The following SETD2 variants were observed in gnomAD, a reference collection of about 807,000 sequenced individuals.
The protein encoded by SETD2 is SET domain containing 2, histone lysine methyltransferase, also known as histone-lysine N-methyltransferase SETD2.
In SETD2, 31 loss-of-function variants were observed where a neutral mutation model predicts 242.1. The ratio of observed to expected loss-of-function variants is 0.13; its 90% CI spans 0.10 to 0.17. SETD2 has a LOEUF of 0.17. SETD2 is among the 10% of genes least tolerant of loss of function. The probability of loss-of-function intolerance (pLI) is 1.00; values close to 1 mark genes in which losing one functional copy is unlikely to be tolerated. For missense variants in SETD2, 2,481 were observed against 3,046.3 expected, an observed-to-expected ratio of 0.81 and a Z score of 4.37; for synonymous variants, 1,006 against 1,066.5, an observed-to-expected ratio of 0.94 and a Z score of 1.11.
intron 18 of SETD2, among the ~76,000 whole-genome samples, chr3:47,020,609 T>C (rs2038174916): frequency 6.6e-6 from 1 of 152,138 alleles, no homozygotes; most frequent in African/African-American, 2.4e-5. Flanking sequence ...ATGCAGGCCA[T>C]CTCCCCATAC....
At position 47,120,814 on chromosome 3, in the gene SETD2, A is replaced by G. The variant is rs757597436; in HGVS notation, c.3822T>C (p.Pro1274=). 6.2e-7 allele frequency: 1 copy of G among 1,614,212 alleles called. No homozygotes were observed. The highest frequency in any genetic ancestry group is 8.5e-7 in the Non-Finnish European group (1 of 1,180,038). ...QEKPSTTYQQ[P]DSSYGACGGH... ...CACCACAAGCTCCATAGCTACTGTCAGGTTGCTGATACGTGGTAGAAGGCT... is the reference window on the plus strand; with the variant it reads ...CACCACAAGCTCCATAGCTACTGTCGGGTTGCTGATACGTGGTAGAAGGCT... The change falls in exon 3 of 21, where the codon CCT becomes CCC. Residue 1274 remains proline (P), a synonymous_variant. Transcript: ENST00000409792.
At chr3:47,086,792 G>T (rs1362278639) in intron 10 of SETD2, among the ~76,000 whole-genome samples, 1 of 150,802 alleles carries the variant, frequency 6.6e-6, no homozygotes, top group African/African-American at 2.4e-5. Context: ...CAGCACTTTC[G>T]AAGGTGGAAG....
chr3:47,060,423 G>T (rs1224823240), intron 14 of SETD2, among the ~76,000 whole-genome samples: 3 of 152,118 alleles, frequency 2.0e-5, no homozygotes, highest in African/African-American at 7.2e-5. Flanking sequence ...AACCAAGAAG[G>T]CAGTAGTGAT....
At chr3:47,053,581 T>C (rs1036643236) in intron 15 of SETD2, among the ~76,000 whole-genome samples, 3 of 152,200 alleles carry the variant, frequency 2.0e-5, no homozygotes, top group African/African-American at 7.2e-5. Context: ...TGATAACACA[T>C]TTGCTCCAAA....
At chr3:47,164,117 T>G (rs1697598719), upstream of SETD2, 1 of 1,027,700 alleles carries the variant, frequency 9.7e-7, no homozygotes, top group South Asian at 4.8e-5. The surrounding 1 kb of genome is among the most constrained non-coding windows in gnomAD (Gnocchi z 5.4). Flanking sequence ...GCTCTCTCCC[T>G]CTCACCCTCA....
chr3:47,082,478 T>C (rs1478944881), intron 12 of SETD2, among the ~76,000 whole-genome samples: 1 of 152,202 alleles, frequency 6.6e-6, no homozygotes, highest in Non-Finnish European at 1.5e-5. Flanking sequence ...AGGCCTTAAA[T>C]AAAAATCCAT....
rs189526267 is a variant in SETD2 at position 47,128,242 on chromosome 3, C to T, written c.72-1579G>A. On this transcript the variant is annotated intron_variant, in intron 1 of 20. Transcript: ENST00000409792. ...ACTATTCCACATTACAGTGCATCTG[C>T]TCCATAACACAATGCGCAGCTCTCT... Among the ~76,000 whole-genome samples the T allele has an allele frequency of 1.7e-4, 26 of 152,278 alleles. No individual in the cohort carries two copies. The East Asian group carries it at 4.4e-3, about 26-fold the overall frequency.
intron 15 of SETD2, among the ~76,000 whole-genome samples, chr3:47,048,497 A>T (rs371812159): frequency 1.3e-5 from 2 of 152,292 alleles, no homozygotes; most frequent in South Asian, 2.1e-4. Context: ...GTGAATATGA[A>T]GGCCTAGGAC....
At chr3:47,138,754 C>T (rs773165457) in intron 1 of SETD2, among the ~76,000 whole-genome samples, 24 of 151,838 alleles carry the variant, frequency 1.6e-4, no homozygotes, top group Non-Finnish European at 2.9e-4. Context: ...TTAGTAGAGA[C>T]GGGGTTTCAC....
At chr3:47,095,957 T>C (rs531373887) in intron 9 of SETD2, among the ~76,000 whole-genome samples, 1 of 152,290 alleles carries the variant, frequency 6.6e-6, no homozygotes, top group South Asian at 2.1e-4. Context: ...GGTCTCACTA[T>C]ATTGCCTAGG....
chr3:47,050,723 C>CTCTTTT (rs1553682525), intron 15 of SETD2, among the ~76,000 whole-genome samples: 1 of 66,878 alleles, frequency 1.5e-5, no homozygotes, highest in African/African-American at 6.3e-5. Flanking sequence ...TTTCCTCTCT[C>CTCTTTT]TTTTTTTTTT....
Position 47,164,089 on chromosome 3 carries a change from C to G in SETD2, c.-165G>C. On this transcript the variant is annotated 5_prime_UTR_variant, in exon 1 of 21. Coordinates refer to ENST00000409792, the MANE Select transcript of SETD2 (RefSeq NM_014159.7). The surrounding 1 kb of genome is among the most constrained non-coding windows in gnomAD (Gnocchi z 5.4). ...ACCTCGCTCGTCGCTCCCTCCCTCC[C>G]TCGGACGCCCGCCAGCCGCTCTCTC... 1 of 1,147,234 alleles carries G rather than the reference C, an allele frequency of 8.7e-7. No homozygotes were observed. The highest frequency in any genetic ancestry group is 1.1e-6 in the Non-Finnish European group (1 of 917,718). 71.1% of individuals were successfully genotyped at this position (1,147,234 alleles called of 1,614,324 possible).
chr3:47,063,907 C>T (rs1228243350), intron 13 of SETD2, among the ~76,000 whole-genome samples: 1 of 151,872 alleles, frequency 6.6e-6, no homozygotes, highest in African/African-American at 2.4e-5. Flanking sequence ...GGCTTGAACC[C>T]GGGAGGCAGA....
chr3:47,127,885 G>A (rs13062022), intron 1 of SETD2, among the ~76,000 whole-genome samples: 73,924 of 151,914 alleles, frequency 0.49, 19,465 homozygotes, highest in Non-Finnish European at 0.58. Context: ...TAAAAGGAAG[G>A]CTAAGTTGGG....
intron 13 of SETD2, among the ~76,000 whole-genome samples, chr3:47,065,037 C>T (rs2040501902): frequency 6.6e-6 from 1 of 151,938 alleles, no homozygotes; most frequent in Non-Finnish European, 1.5e-5. Context: ...TAGATATTTA[C>T]AAAATATTAT....
intron 16 of SETD2, among the ~76,000 whole-genome samples, chr3:47,045,914 T>C (rs1347286313): frequency 1.3e-5 from 2 of 150,888 alleles, no homozygotes; most frequent in Non-Finnish European, 3.0e-5. Context: ...TAGCTGGGAC[T>C]ACAGGTGCGG....
At chr3:47,041,363 T>C (rs759248940) in intron 17 of SETD2, 3 of 448,946 alleles carry the variant, frequency 6.7e-6, no homozygotes, top group South Asian at 3.2e-5. Context: ...AACTAACAGT[T>C]GTAGCTGGGT....
intron 1 of SETD2, among the ~76,000 whole-genome samples, chr3:47,147,011 ATTTG>A (rs1033534019): frequency 2.0e-5 from 3 of 151,664 alleles, no homozygotes; most frequent in African/African-American, 7.3e-5. Context: ...GCTGTAACAT[ATTTG>A]TTTTTGTTTG....
chr3:47,068,717 G>A (rs565470203), intron 12 of SETD2, among the ~76,000 whole-genome samples: 2 of 152,204 alleles, frequency 1.3e-5, no homozygotes, highest in South Asian at 2.1e-4. Flanking sequence ...GGTTGGTCTC[G>A]AACTCCTGAT....
Sources: gnomAD v4.1 joint callset for allele counts (sites outside exome capture counted in the v4.1 genomes callset) on GRCh38, gnomAD v4.1.1 for gene constraint, Gnocchi (gnomAD v3.1) non-coding constraint, MANE v1.5 for transcripts, NCBI Gene and HGNC (gene_info 2026-07-23, HGNC 2026-07-21) for gene names.